Variants in CREBL2 observed in about 807,000 individuals in gnomAD.
The protein encoded by CREBL2 is cAMP responsive element binding protein like 2, also known as cAMP-responsive element-binding protein-like 2.
CREBL2 carries 4 observed loss-of-function variants against 19.5 expected under a neutral mutation model. The observed-to-expected ratio is 0.20, with a 90% CI of 0.10 to 0.47. CREBL2 has a LOEUF of 0.47. Ranked by LOEUF, CREBL2 falls within the 20% of genes least tolerant of loss-of-function variation. CREBL2 has a pLI of 0.98. For synonymous variants in CREBL2, 42 were observed against 46.6 expected, an observed-to-expected ratio of 0.90 and a Z score of 0.40; for missense variants, 85 against 145.1, an observed-to-expected ratio of 0.59 and a Z score of 2.13.
rs371028321 is a variant in CREBL2 at position 12,611,922 on chromosome 12, A to T, written c.-251A>T. 1.7e-6 allele frequency: 1 copy of T among 577,518 alleles called. No individual in the cohort carries two copies. The highest frequency in any genetic ancestry group is 3.1e-6 in the Non-Finnish European group (1 of 326,802). 35.8% of individuals were successfully genotyped at this position (577,518 alleles called of 1,614,324 possible). On this transcript the variant is annotated 5_prime_UTR_variant, in exon 1 of 4. An upstream start codon of the reference 5' UTR is lost. Coordinates refer to ENST00000228865, the MANE Select transcript of CREBL2 (RefSeq NM_001310.4). ...CGTCTGTAAACACCCAGAGACTGTC[A>T]TGGAGGGGGAGGAGGAGGCGGCGGC...
chr12:12,614,998 C>G (rs192577647), intron 1 of CREBL2: 1 of 179,922 alleles, frequency 5.6e-6, no homozygotes, highest in Non-Finnish European at 1.2e-5. Flanking sequence ...GGTGTGATTA[C>G]AGGCATGGGC....
chr12:12,626,179 C>T (rs1373229467), intron 1 of CREBL2, among the ~76,000 whole-genome samples: 1 of 149,298 alleles, frequency 6.7e-6, no homozygotes, highest in African/African-American at 2.4e-5. Flanking sequence ...GAGGCTTCCT[C>T]ATTTTAAGAA....
In CREBL2 at chr12:12,643,129, A is replaced by T. The variant is rs1397031839; in HGVS notation, c.*1131A>T. On this transcript the variant is annotated 3_prime_UTR_variant, in exon 4 of 4. Transcript: ENST00000228865. Reference sequence around the variant, plus strand: ...GGGCGTGCATCTGGTTCAGCCCTGGATATGCCTCCACTGTGGAGGGAAGCA... The same window carrying T: ...GGGCGTGCATCTGGTTCAGCCCTGGTTATGCCTCCACTGTGGAGGGAAGCA... The T allele has an allele frequency of 6.6e-6, 1 of 152,642 alleles. No homozygotes were observed. Among genetic ancestry groups the T allele is most frequent in the Non-Finnish European group, 1.5e-5 (1 of 68,044 alleles). 9.5% of individuals were successfully genotyped at this position (152,642 alleles called of 1,614,324 possible).
At position 12,635,902 on chromosome 12, in the gene CREBL2, A is replaced by G. The variant is rs1157303400; in HGVS notation, c.141A>G (p.Arg47=). The G allele has an allele frequency of 1.9e-6, 3 of 1,614,080 alleles. No individual in the cohort carries two copies. Among genetic ancestry groups the G allele is most frequent in the Non-Finnish European group, 2.5e-6 (3 of 1,180,044 alleles). ...ARECRARKKL[R]YQYLEELVSS... The stretch of plus-strand genomic sequence containing the variant: ...AATGCCGAGCCCGAAAAAAGCTGAG[A>G]TATCAGTATTTGGAAGAGTTGGTAT... Residue 47 remains arginine, a synonymous_variant, in exon 2 of 4, where the codon AGA becomes AGG. Transcript: ENST00000228865.
chr12:12,622,369 C>A (rs1023404368), intron 1 of CREBL2, among the ~76,000 whole-genome samples: 1 of 152,032 alleles, frequency 6.6e-6, no homozygotes, highest in South Asian at 2.1e-4. Flanking sequence ...TAAAGAGAAC[C>A]CTGGAAAACT....
At chr12:12,614,898 C>T (rs1176885508) in intron 1 of CREBL2, 4 of 208,192 alleles carry the variant, frequency 1.9e-5, no homozygotes, top group Non-Finnish European at 3.0e-5. Flanking sequence ...CTCTCTGTCC[C>T]CCAGGCTGGA....
intron 1 of CREBL2, among the ~76,000 whole-genome samples, chr12:12,628,917 A>C (rs1297969457): frequency 6.6e-6 from 1 of 152,268 alleles, no homozygotes; most frequent in Non-Finnish European, 1.5e-5. Flanking sequence ...CTTGTCAAAA[A>C]TCAATTGACC....
intron 1 of CREBL2, among the ~76,000 whole-genome samples, chr12:12,617,183 G>T (rs1225774910): frequency 6.6e-6 from 1 of 152,194 alleles, no homozygotes; most frequent in Non-Finnish European, 1.5e-5. Context: ...TATAGAGATT[G>T]AATTGAATTG....
Position 12,634,132 on chromosome 12 carries a change from C to G in CREBL2, c.16-1645C>G, listed in dbSNP as rs569507572. On this transcript the variant is annotated intron_variant, in intron 1 of 3. Coordinates refer to ENST00000228865, the MANE Select transcript of CREBL2 (RefSeq NM_001310.4). ...CTTATAAAAACAGGCTCCAATACTA[C>G]TTTTCAGAAAATCTTTGAACTGTGG... Among the ~76,000 whole-genome samples, 4 of 151,930 alleles carry G rather than the reference C, an allele frequency of 2.6e-5. No homozygotes were observed. The South Asian group carries it at 8.4e-4, about 32-fold the overall frequency.
intron 3 of CREBL2, among the ~76,000 whole-genome samples, chr12:12,638,431 C>T (rs1049305217): frequency 1.3e-5 from 2 of 150,808 alleles, no homozygotes; most frequent in South Asian, 2.1e-4. Context: ...AGTGAGACCT[C>T]GTCTCAAAAA....
At chr12:12,620,954 C>T (rs1430110299) in intron 1 of CREBL2, among the ~76,000 whole-genome samples, 2 of 152,116 alleles carry the variant, frequency 1.3e-5, no homozygotes, top group South Asian at 4.1e-4. Context: ...TGTCGAGGAA[C>T]GTCAGACATG....
chr12:12,641,002 A>T (rs1333326278), intron 3 of CREBL2, among the ~76,000 whole-genome samples: 1 of 151,876 alleles, frequency 6.6e-6, no homozygotes, highest in Admixed American at 6.6e-5. Flanking sequence ...TAAGAATTTT[A>T]TGGTTTTAAC....
chr12:12,642,858 T>A lies in CREBL2; in HGVS notation c.*860T>A, dbSNP rs1393408482. The A allele has an allele frequency of 2.6e-5, 4 of 152,658 alleles. No individual in the cohort carries two copies. Among genetic ancestry groups the A allele is most frequent in the Non-Finnish European group, 5.9e-5 (4 of 68,042 alleles). 9.5% of individuals were successfully genotyped at this position (152,658 alleles called of 1,614,324 possible). ...ATGTATGTTTCTTATTGTATGTCTA[T>A]ATATGTATGTGGGGAGGACAGGAGT... is the stretch of plus-strand genomic sequence containing the variant. On this transcript the variant is annotated 3_prime_UTR_variant, in exon 4 of 4. Coordinates refer to ENST00000228865, the MANE Select transcript of CREBL2 (RefSeq NM_001310.4).
At chr12:12,632,007 A>G (rs1421363585) in intron 1 of CREBL2, among the ~76,000 whole-genome samples, 2 of 150,830 alleles carry the variant, frequency 1.3e-5, no homozygotes, top group African/African-American at 4.9e-5. Context: ...GTAGTTTTAA[A>G]TGTAACTTTA....
intron 3 of CREBL2, among the ~76,000 whole-genome samples, chr12:12,639,269 A>T (rs1230649215): frequency 1.3e-5 from 2 of 152,188 alleles, no homozygotes; most frequent in Non-Finnish European, 2.9e-5. Context: ...ACATGTGCAT[A>T]TAGGTATTTG....
At chr12:12,639,437 A>G (rs1020164262) in intron 3 of CREBL2, among the ~76,000 whole-genome samples, 1 of 152,184 alleles carries the variant, frequency 6.6e-6, no homozygotes, top group African/African-American at 2.4e-5. Flanking sequence ...GTCTGCTCCA[A>G]TTTGTCCACA....
chr12:12,617,192 T>C (rs1945317319), intron 1 of CREBL2, among the ~76,000 whole-genome samples: 2 of 152,162 alleles, frequency 1.3e-5, no homozygotes, highest in Non-Finnish European at 2.9e-5. Context: ...TGAATTGAAT[T>C]GAATCAGGGT....
chr12:12,640,772 T>G (rs1170762952), intron 3 of CREBL2, among the ~76,000 whole-genome samples: 3 of 152,244 alleles, frequency 2.0e-5, no homozygotes, highest in Non-Finnish European at 2.9e-5. Context: ...TTATTGTGGT[T>G]ATAAAACCTT....
intron 1 of CREBL2, among the ~76,000 whole-genome samples, chr12:12,622,270 G>T (rs1945365279): frequency 1.3e-5 from 2 of 152,180 alleles, no homozygotes. Context: ...CTGGACTGAA[G>T]ACCATATTAG....
Sources: allele counts gnomAD v4.1 joint callset (sites outside exome capture counted in the v4.1 genomes callset), GRCh38; gene constraint gnomAD v4.1.1; transcripts MANE v1.5; gene names NCBI Gene and HGNC (gene_info 2026-07-23, HGNC 2026-07-21).